PRKCH: variants seen among roughly 807,000 people sequenced by gnomAD.
PRKCH encodes the protein protein kinase C eta, also known as protein kinase C eta type.
A neutral mutation model predicts 82.5 loss-of-function variants in PRKCH; 28 were observed. That is an observed-to-expected ratio of 0.34 (90% CI 0.25 to 0.47). PRKCH has a LOEUF of 0.47. Among genes scored for constraint, PRKCH ranks in the 20% least tolerant of loss-of-function variants. The pLI is 1.00. For missense variants in PRKCH, 705 were observed against 881.8 expected, an observed-to-expected ratio of 0.80 and a Z score of 2.54; for synonymous variants, 322 against 327.4, an observed-to-expected ratio of 0.98 and a Z score of 0.18.
intron 1 of PRKCH, among the ~76,000 whole-genome samples, chr14:61,357,713 A>G (rs2046169935): frequency 6.6e-6 from 1 of 152,200 alleles, no homozygotes; most frequent in Non-Finnish European, 1.5e-5. Context: ...CTTCTCTAGA[A>G]GAGTTTTTAG....
intron 2 of PRKCH, among the ~76,000 whole-genome samples, chr14:61,396,660 A>C (rs1267320728): frequency 6.6e-6 from 1 of 152,226 alleles, no homozygotes; most frequent in South Asian, 2.1e-4. Flanking sequence ...TGTTTAAAAC[A>C]AGTCTGAATG....
rs1423486773 is a variant in PRKCH at position 61,486,697 on chromosome 14, T to TC, written c.1433+1041_1433+1042insC. Among the ~76,000 whole-genome samples, 255 of 150,992 alleles carry TC rather than the reference T, an allele frequency of 1.7e-3. 4 individuals are homozygous for TC. The highest frequency in any genetic ancestry group is 5.8e-3 in the African/African-American group (238 of 41,186). ...CTTTCTTTCTTTCTTTTTTTTTTTT[T>TC]AAGACAGTGTCTTGCTATTTTGGCT... On this transcript the variant is annotated intron_variant, in intron 10 of 13. Transcript: ENST00000332981.
intron 1 of PRKCH, among the ~76,000 whole-genome samples, chr14:61,199,721 G>A (rs2044465830): frequency 1.3e-5 from 2 of 152,176 alleles, no homozygotes; most frequent in Non-Finnish European, 2.9e-5. Context: ...AAAGCGTCAT[G>A]AAACATCAGG....
At chr14:61,508,791 C>A (rs560318086) in intron 10 of PRKCH, among the ~76,000 whole-genome samples, 12 of 152,128 alleles carry the variant, frequency 7.9e-5, no homozygotes, top group African/African-American at 2.7e-4. Context: ...TATATGAGGC[C>A]ATGTGTTGTA....
At chr14:61,281,580 C>T (rs2045267477) in intron 1 of PRKCH, 1 of 168,834 alleles carries the variant, frequency 5.9e-6, no homozygotes, top group African/African-American at 2.4e-5. Context: ...ACCTTCTCTT[C>T]CGCCTTCCAA....
intron 1 of PRKCH, among the ~76,000 whole-genome samples, chr14:61,357,648 A>G (rs1218137488): frequency 6.6e-6 from 1 of 152,122 alleles, no homozygotes; most frequent in Non-Finnish European, 1.5e-5. Flanking sequence ...TGGACACGCT[A>G]TAGTCCTTAT....
intron 2 of PRKCH, among the ~76,000 whole-genome samples, chr14:61,423,310 C>T (rs1048651649): frequency 6.6e-6 from 1 of 152,158 alleles, no homozygotes; most frequent in South Asian, 2.1e-4. Flanking sequence ...TTACGACAGA[C>T]CCTGGAGGAT....
intron 1 of PRKCH, among the ~76,000 whole-genome samples, chr14:61,291,990 T>C (rs986063542): frequency 6.6e-6 from 1 of 152,156 alleles, no homozygotes; most frequent in Non-Finnish European, 1.5e-5. Flanking sequence ...TAATGATCAG[T>C]GGTGAAATAG....
chr14:61,433,758 A>T (rs1883535253), intron 2 of PRKCH, among the ~76,000 whole-genome samples: 1 of 152,242 alleles, frequency 6.6e-6, no homozygotes, highest in Admixed American at 6.5e-5. Context: ...ATATGAAAAG[A>T]TGTTTTGGGT....
chr14:61,425,920 G>A (rs539970390), intron 2 of PRKCH, among the ~76,000 whole-genome samples: 3 of 152,072 alleles, frequency 2.0e-5, no homozygotes, highest in African/African-American at 7.3e-5. Flanking sequence ...TTTATAAGGG[G>A]CTCTTCTCCC....
intron 9 of PRKCH, among the ~76,000 whole-genome samples, chr14:61,475,712 T>C (rs1271816199): frequency 6.6e-6 from 1 of 152,250 alleles, no homozygotes; most frequent in Non-Finnish European, 1.5e-5. Flanking sequence ...TAATATGCAA[T>C]ATAAATGAAA....
At chr14:61,437,945 C>G (rs1883756569) in intron 2 of PRKCH, among the ~76,000 whole-genome samples, 1 of 152,016 alleles carries the variant, frequency 6.6e-6, no homozygotes, top group African/African-American at 2.4e-5. Flanking sequence ...AAAAAAAATC[C>G]TTTCTATTCC....
chr14:61,202,727 G>A (rs565656348), intron 1 of PRKCH, among the ~76,000 whole-genome samples: 1 of 152,178 alleles, frequency 6.6e-6, no homozygotes, highest in East Asian at 1.9e-4. Context: ...TCTTTGAAAA[G>A]TTTTAGGTTT....
intron 1 of PRKCH, among the ~76,000 whole-genome samples, chr14:61,359,233 G>A (rs2046191627): frequency 6.6e-6 from 1 of 152,130 alleles, no homozygotes; most frequent in Non-Finnish European, 1.5e-5. Context: ...AATGCTCTGG[G>A]GCAGTGCTGC....
chr14:61,422,239 A>G (rs1882874507), intron 2 of PRKCH, among the ~76,000 whole-genome samples: 1 of 152,082 alleles, frequency 6.6e-6, no homozygotes, highest in South Asian at 2.1e-4. Context: ...ATGTACTACC[A>G]TGCCCAGCTA....
chr14:61,211,657 A>G (rs1249218237), intron 1 of PRKCH, among the ~76,000 whole-genome samples: 1 of 152,202 alleles, frequency 6.6e-6, no homozygotes, highest in Non-Finnish European at 1.5e-5. Context: ...TGCAGCCATC[A>G]GAGTGCAGAA....
At chr14:61,499,964 T>G (rs1044794360) in intron 10 of PRKCH, among the ~76,000 whole-genome samples, 6 of 151,656 alleles carry the variant, frequency 4.0e-5, no homozygotes, top group African/African-American at 1.5e-4. Flanking sequence ...CAATCTAGTT[T>G]ACCTGTTAAC....
chr14:61,505,524 T>C (rs775960284), intron 10 of PRKCH, among the ~76,000 whole-genome samples: 3 of 146,342 alleles, frequency 2.0e-5, no homozygotes, highest in South Asian at 4.5e-4. Flanking sequence ...TACAGGCATG[T>C]GCCACCACGC....
intron 1 of PRKCH, 128 bp from the exon 2 acceptor site, chr14:61,391,097 G>A (rs925512783): frequency 2.0e-5 from 15 of 737,092 alleles, no homozygotes; most frequent in Non-Finnish European, 3.1e-5. Flanking sequence ...ACTATTTAAT[G>A]AAAGACTTAG....
Sources: gnomAD v4.1 joint callset for allele counts (sites outside exome capture counted in the v4.1 genomes callset) on GRCh38, gnomAD v4.1.1 for gene constraint, MANE v1.5 for transcripts, NCBI Gene and HGNC (gene_info 2026-07-23, HGNC 2026-07-21) for gene names.